FREM1: variants seen among roughly 807,000 people sequenced by gnomAD.
FREM1 encodes the protein FRAS1-related extracellular matrix protein 1.
FREM1 carries 220 observed loss-of-function variants against 210.1 expected under a neutral mutation model. The ratio of observed to expected loss-of-function variants is 1.05; its 90% CI spans 0.94 to 1.17. The LOEUF (loss-of-function observed/expected upper bound fraction) is 1.17. FREM1 is among the 50% of genes most tolerant of loss of function. The pLI, the probability that FREM1 is intolerant of heterozygous loss-of-function variation, is 0.00. For synonymous variants in FREM1, 1,189 were observed against 980.2 expected, an observed-to-expected ratio of 1.21 and a Z score of -3.98; for missense variants, 3,454 against 2,675.5, an observed-to-expected ratio of 1.29 and a Z score of -6.42.
intron 18 of FREM1, among the ~76,000 whole-genome samples, chr9:14,806,138 T>C (rs964260670): frequency 6.6e-6 from 1 of 152,056 alleles, no homozygotes; most frequent in Non-Finnish European, 1.5e-5. Context: ...TATTTTGAAG[T>C]AAATTTGCAT....
At chr9:14,898,359 C>G (rs1019356794) in intron 1 of FREM1, among the ~76,000 whole-genome samples, 2 of 152,214 alleles carry the variant, frequency 1.3e-5, no homozygotes, top group African/African-American at 4.8e-5. Context: ...CCTTTCTATT[C>G]CAGATCTATT....
chr9:14,769,326 G>T (rs1027784507), intron 27 of FREM1, among the ~76,000 whole-genome samples: 1 of 152,086 alleles, frequency 6.6e-6, no homozygotes, highest in Non-Finnish European at 1.5e-5. Flanking sequence ...TCATTTCCCC[G>T]ACTGCAGATA....
In FREM1 at chr9:14,850,329, T is replaced by C. The variant is rs902364014; in HGVS notation, c.1152+955A>G. 3 of 152,262 alleles carry C rather than the reference T, an allele frequency of 2.0e-5. No individual in the cohort carries two copies. In the South Asian group the frequency reaches 6.2e-4, roughly 32 times the overall value. 9.4% of individuals were successfully genotyped at this position (152,262 alleles called of 1,614,324 possible). A position where few individuals can be genotyped will look rare whatever the true frequency, so the allele number is the denominator to read the frequency against. ...TTAGTTATCAAATAAGACTACGGAA[T>C]GTCCTATCCTGAGTCCGTGTTATTA... is the stretch of plus-strand genomic sequence containing the variant. On this transcript the variant is annotated intron_variant, in intron 6 of 36. Transcript: ENST00000380880.
chr9:14,794,539 AT>A (rs1305963530), intron 21 of FREM1, among the ~76,000 whole-genome samples: 1 of 152,196 alleles, frequency 6.6e-6, no homozygotes, highest in African/African-American at 2.4e-5. Context: ...AGAATCAGAG[AT>A]GGGCTGAGGG....
At chr9:14,781,355 T>C (rs1196720144) in intron 24 of FREM1, among the ~76,000 whole-genome samples, 1 of 152,192 alleles carries the variant, frequency 6.6e-6, no homozygotes, top group Non-Finnish European at 1.5e-5. Context: ...TTTCAGCCTT[T>C]ATTGTTTATT....
chr9:14,802,211 T>C (rs1817421474), intron 19 of FREM1, among the ~76,000 whole-genome samples: 1 of 152,340 alleles, frequency 6.6e-6, no homozygotes, highest in South Asian at 2.1e-4. Context: ...CAAGAAGTCA[T>C]GGAAAAGTTC....
At position 14,775,788 on chromosome 9, in the gene FREM1, C is replaced by T. The variant is rs1356952742; in HGVS notation, c.4857+1G>A. The T allele has an allele frequency of 5.6e-6, 9 of 1,603,580 alleles. No homozygotes were observed. The highest frequency in any genetic ancestry group is 7.7e-6 in the Non-Finnish European group (9 of 1,172,166). ...AAATGAACTGTGTTTTTCATACTTG[C>T]CTGAATGGTGAATAAAACAGGTTCT... On this transcript the variant is annotated splice_donor_variant, in intron 25 of 36. Coordinates refer to ENST00000380880, the MANE Select transcript of FREM1 (RefSeq NM_001379081.2). LOFTEE classifies it high-confidence loss of function.
At position 14,737,303 on chromosome 9, in the gene FREM1, C is replaced by G. The variant is rs991348260; in HGVS notation, c.*93G>C. The G allele has an allele frequency of 2.3e-5, 20 of 886,472 alleles. No homozygotes were observed. The highest frequency in any genetic ancestry group is 3.5e-5 in the Non-Finnish European group (20 of 577,368). The allele number at this position is 886,472 out of a possible 1,614,324, so 54.9% of individuals were successfully genotyped here. On this transcript the variant is annotated 3_prime_UTR_variant, in exon 37 of 37. Transcript: ENST00000380880. ...AATCACAAAGGTATACCCACTCAAT[C>G]ATAACAATTTGTTTTCTATGGAGCA...
chr9:14,907,415 C>G (rs1320691575), intron 1 of FREM1, among the ~76,000 whole-genome samples: 3 of 152,136 alleles, frequency 2.0e-5, no homozygotes, highest in African/African-American at 7.2e-5. Flanking sequence ...AAGCCTCTCA[C>G]CTGGTAGCAC....
intron 1 of FREM1, among the ~76,000 whole-genome samples, chr9:14,890,492 A>G (rs1400656595): frequency 6.6e-6 from 1 of 152,266 alleles, no homozygotes; most frequent in Non-Finnish European, 1.5e-5. Context: ...TCTTGCAGAA[A>G]GGAGCCTTTT....
chr9:14,860,433 T>C (rs1293358588), intron 3 of FREM1, among the ~76,000 whole-genome samples: 1 of 151,834 alleles, frequency 6.6e-6, no homozygotes, highest in Non-Finnish European at 1.5e-5. Context: ...CCCAGCAGCC[T>C]AGAAACCCAA....
In FREM1 at chr9:14,746,396, G is replaced by T; in HGVS notation, c.6211C>A (p.Gln2071Lys). The T allele has an allele frequency of 6.2e-7, 1 of 1,613,870 alleles. No homozygotes were observed. ...SGYCHILITE[Q>K]KGTWNAAAQA... is the part of the protein sequence containing the mutation. ...GCAGCCGCATTCCAGGTGCCTTTCT[G>T]CTCTGTGATCAAGATGTGACAGTAG... Residue 2071 changes from glutamine to lysine, a missense_variant, in exon 35 of 37, where the codon CAG becomes AAG. Physicochemically the swap from Gln to Lys is moderately conservative, Grantham distance 53 (BLOSUM62 1). Coordinates refer to ENST00000380880, the MANE Select transcript of FREM1 (RefSeq NM_001379081.2).
intron 16 of FREM1, among the ~76,000 whole-genome samples, chr9:14,810,218 G>C (rs1270967547): frequency 6.6e-6 from 1 of 152,046 alleles, no homozygotes; most frequent in Non-Finnish European, 1.5e-5. Context: ...GAAATGAAAA[G>C]TCACTCTAGA....
At position 14,873,719 on chromosome 9, in the gene FREM1, T is replaced by G. The variant is rs535222701; in HGVS notation, c.-267-4475A>C. Among the ~76,000 whole-genome samples, 518 of 152,224 alleles carry G rather than the reference T, an allele frequency of 3.4e-3. 4 individuals carry two copies. Among genetic ancestry groups the G allele is most frequent in the African/African-American group, 0.011 (466 of 41,542 alleles). ...TCTTGCCTTCTGCTAGCTTTTGAATTTGTTTGCTCTTGCTTTTCTAGTTCT... is the reference window on the plus strand; with the variant it reads ...TCTTGCCTTCTGCTAGCTTTTGAATGTGTTTGCTCTTGCTTTTCTAGTTCT... On this transcript the variant is annotated intron_variant, in intron 1 of 36. Transcript: ENST00000380880.
At chr9:14,899,525 T>A (rs1838392184) in intron 1 of FREM1, among the ~76,000 whole-genome samples, 1 of 152,220 alleles carries the variant, frequency 6.6e-6, no homozygotes, top group East Asian at 1.9e-4. Flanking sequence ...ATTAGATGTC[T>A]CATTTGTTGA....
intron 27 of FREM1, among the ~76,000 whole-genome samples, chr9:14,765,383 C>G (rs927094699): frequency 6.6e-6 from 1 of 152,122 alleles, no homozygotes; most frequent in Non-Finnish European, 1.5e-5. Flanking sequence ...TGTGTGATTA[C>G]GGTCAGTTAC....
chr9:14,841,456 T>C lies in FREM1; in HGVS notation c.1872A>G (p.Ser624=), dbSNP rs1332376283. 1.2e-6 allele frequency: 2 copies of C among 1,604,950 alleles called. No homozygotes were observed. Among genetic ancestry groups the C allele is most frequent in the Non-Finnish European group, 1.7e-6 (2 of 1,173,930 alleles). ...LWDSHEPPNL[S]VPQVATIHIT... is the part of the protein sequence containing the mutation. ...AGAAACAGTCTCTTACCTGTGGCAC[T>C]GAAAGATTTGGAGGTTCATGGCTGT... The change falls in exon 10 of 37, where the codon TCA becomes TCG. Residue 624 remains serine (S), a synonymous_variant. Coordinates refer to ENST00000380880, the MANE Select transcript of FREM1 (RefSeq NM_001379081.2).
At chr9:14,815,216 C>T (rs1588141184) in intron 15 of FREM1, among the ~76,000 whole-genome samples, 1 of 152,166 alleles carries the variant, frequency 6.6e-6, no homozygotes, top group South Asian at 2.1e-4. Context: ...GAGGAAAGAA[C>T]ACTGACCTAG....
intron 15 of FREM1, among the ~76,000 whole-genome samples, chr9:14,815,060 T>C (rs1216131803): frequency 3.3e-5 from 5 of 152,222 alleles, no homozygotes; most frequent in African/African-American, 9.6e-5. Flanking sequence ...CTGCTCTTTA[T>C]TCAGATCCCA....
Sources: allele counts gnomAD v4.1 joint callset (sites outside exome capture counted in the v4.1 genomes callset), GRCh38; gene constraint gnomAD v4.1.1; transcripts MANE v1.5; gene names NCBI Gene and HGNC (gene_info 2026-07-23, HGNC 2026-07-21).